The following CDH18 variants were observed in gnomAD, a reference collection of about 807,000 sequenced individuals.
CDH18 encodes the protein cadherin-18.
Under a neutral mutation model 67.9 loss-of-function variants are expected in CDH18, and 31 were observed. The observed-to-expected ratio is 0.46, with a 90% CI of 0.34 to 0.62. The LOEUF is 0.62. CDH18 is among the 20% of genes least tolerant of loss of function. The pLI, the probability that CDH18 is intolerant of heterozygous loss-of-function variation, is 0.01. For synonymous variants in CDH18, 362 were observed against 347.2 expected (o/e 1.04, Z -0.48); for missense variants, 890 against 975.5 (o/e 0.91, Z 1.17).
intron 12 of CDH18, among the ~76,000 whole-genome samples, chr5:19,482,272 C>T (rs1739561191): frequency 6.6e-6 from 1 of 151,962 alleles, no homozygotes; most frequent in African/African-American, 2.4e-5. Flanking sequence ...CCTGCCACCA[C>T]CCCTGGCTAA....
chr5:20,095,431 G>GAAAGAAAGAAAGAAAGAAAGAAAGA (rs1745861600), intron 2 of CDH18, among the ~76,000 whole-genome samples: 1 of 119,876 alleles, frequency 8.3e-6, no homozygotes, highest in Non-Finnish European at 1.7e-5. Context: ...AAGAAAGAAA[G>GAAAGAAAGAAAGAAAGAAAGAAAGA]AAAGAAAGAA....
chr5:19,911,504 T>C (rs2150139156), intron 2 of CDH18, among the ~76,000 whole-genome samples: 1 of 152,062 alleles, frequency 6.6e-6, no homozygotes, highest in South Asian at 2.1e-4. Context: ...TATTTGGAAA[T>C]GGGATCTTTT....
At chr5:20,373,392 A>T (rs1743160740) in intron 1 of CDH18, among the ~76,000 whole-genome samples, 1 of 151,998 alleles carries the variant, frequency 6.6e-6, no homozygotes, top group Non-Finnish European at 1.5e-5. Context: ...AAATTCCCAG[A>T]CCCCAGCTCT....
At chr5:20,062,728 A>G (rs1047571100) in intron 2 of CDH18, among the ~76,000 whole-genome samples, 1 of 152,156 alleles carries the variant, frequency 6.6e-6, no homozygotes, top group Non-Finnish European at 1.5e-5. Context: ...ATTATCTTAA[A>G]CAATTAGAAT....
At chr5:20,331,677 T>C (rs1739201722) in intron 1 of CDH18, among the ~76,000 whole-genome samples, 1 of 152,110 alleles carries the variant, frequency 6.6e-6, no homozygotes, top group Non-Finnish European at 1.5e-5. Flanking sequence ...GACAAGGTAA[T>C]CTTTGAGACC....
Position 19,908,961 on chromosome 5 carries a change from C to A in CDH18, c.-256-69719G>T, listed in dbSNP as rs796770320. On this transcript the variant is annotated intron_variant, in intron 2 of 12. Transcript: ENST00000382275. ...AAACTTTTGGAGTCAGTTGGTCAGA[C>A]TTGATTTCATATTTTGGGCCAGCCA... Among the ~76,000 whole-genome samples, 4 of 152,108 alleles carry A rather than the reference C, an allele frequency of 2.6e-5. No individual in the cohort carries two copies. The South Asian group carries it at 8.3e-4, about 31-fold the overall frequency.
intron 9 of CDH18, among the ~76,000 whole-genome samples, chr5:19,537,483 C>T (rs977196506): frequency 6.6e-6 from 1 of 152,108 alleles, no homozygotes; most frequent in African/African-American, 2.4e-5. Context: ...CACACACCCA[C>T]GCATCCTCCC....
chr5:20,322,455 C>A (rs1738128938), intron 1 of CDH18, among the ~76,000 whole-genome samples: 1 of 151,590 alleles, frequency 6.6e-6, no homozygotes, highest in South Asian at 2.1e-4. Context: ...GTGTGTCAGC[C>A]CTGCATCTTA....
chr5:20,110,924 G>C (rs1398673098), intron 2 of CDH18, among the ~76,000 whole-genome samples: 1 of 152,040 alleles, frequency 6.6e-6, no homozygotes, highest in Non-Finnish European at 1.5e-5. Flanking sequence ...CTAACTTGCA[G>C]GCAGATTTGT....
intron 6 of CDH18, among the ~76,000 whole-genome samples, chr5:19,597,180 T>C (rs1052209120): frequency 6.6e-6 from 1 of 152,162 alleles, no homozygotes; most frequent in African/African-American, 2.4e-5. Flanking sequence ...CCAAAAGCCA[T>C]GTGAGTAAGC....
chr5:19,495,476 C>A (rs930019181), intron 11 of CDH18, among the ~76,000 whole-genome samples: 6 of 151,976 alleles, frequency 3.9e-5, no homozygotes, highest in African/African-American at 1.4e-4. Context: ...AGCTGTGGTT[C>A]ACACCTGTAA....
Position 19,770,272 on chromosome 5 carries a change from G to T in CDH18, c.229-23036C>A, listed in dbSNP as rs181484576. On this transcript the variant is annotated intron_variant, in intron 3 of 12. Coordinates refer to ENST00000382275, the MANE Select transcript of CDH18 (RefSeq NM_004934.5). ...AGAAATTAACAAGCTGATTCTAAAA[G>T]ATACATGAAAATGGAAATGACCTAT... 1.8e-3 allele frequency among the ~76,000 whole-genome samples: 269 copies of T among 151,238 alleles called. 1 individual carries two copies. The highest frequency in any genetic ancestry group is 6.1e-3 in the African/African-American group (253 of 41,252).
At chr5:19,657,938 A>G (rs753536714) in intron 5 of CDH18, among the ~76,000 whole-genome samples, 23 of 152,250 alleles carry the variant, frequency 1.5e-4, no homozygotes, top group East Asian at 1.9e-4. Context: ...CCTTCAATGG[A>G]CAACTCTTAG....
At chr5:20,118,659 G>A (rs1236601423) in intron 2 of CDH18, among the ~76,000 whole-genome samples, 3 of 152,038 alleles carry the variant, frequency 2.0e-5, no homozygotes, top group African/African-American at 4.8e-5. Flanking sequence ...AGCTAAAAAC[G>A]GAAAGCTGTT....
At chr5:20,304,572 A>C in intron 1 of CDH18, 1 of 1,611,006 alleles carries the variant, frequency 6.2e-7, no homozygotes. Flanking sequence ...GGGAGAATGA[A>C]AATCCAGTCA....
At chr5:19,989,955 G>A (rs75662773), upstream of CDH18, among the ~76,000 whole-genome samples, 2,213 of 152,184 alleles carry the variant, frequency 0.015, 63 homozygotes, top group African/African-American at 0.051. Context: ...AAAGTGGAAC[G>A]GAAACAGCAG....
chr5:19,649,540 T>C (rs550862573), intron 5 of CDH18, among the ~76,000 whole-genome samples: 2 of 152,194 alleles, frequency 1.3e-5, no homozygotes, highest in East Asian at 1.9e-4. Flanking sequence ...TGTCTTTGAA[T>C]TCTAGCTGAG....
chr5:20,185,656 A>G (rs1738039561), intron 2 of CDH18, among the ~76,000 whole-genome samples: 1 of 151,978 alleles, frequency 6.6e-6, no homozygotes, highest in African/African-American at 2.4e-5. Context: ...TAACTTCCTT[A>G]AGGTCTCTGC....
chr5:20,205,201 G>T (rs962129072), intron 2 of CDH18, among the ~76,000 whole-genome samples: 3 of 151,914 alleles, frequency 2.0e-5, no homozygotes, highest in Admixed American at 6.6e-5. Context: ...GATATTACAT[G>T]CAGCTGGAAA....
Sources: gnomAD v4.1 joint callset for allele counts (sites outside exome capture counted in the v4.1 genomes callset) on GRCh38, gnomAD v4.1.1 for gene constraint, MANE v1.5 for transcripts, NCBI Gene and HGNC (gene_info 2026-07-23, HGNC 2026-07-21) for gene names.